Variants in TBC1D12 observed in about 807,000 individuals in gnomAD.
TBC1D12 encodes the protein TBC1 domain family, member 12.
Under a neutral mutation model 86.7 loss-of-function variants are expected in TBC1D12, and 56 were observed. The observed-to-expected ratio is 0.65, with a 90% CI of 0.52 to 0.81. The LOEUF (loss-of-function observed/expected upper bound fraction) is 0.81, where lower values mean the gene tolerates loss of function less well. Among genes scored for constraint, TBC1D12 ranks in the 30% least tolerant of loss-of-function variants. The pLI is 0.00. For missense variants in TBC1D12, 1,023 were observed against 1,038.8 expected, an observed-to-expected ratio of 0.98 and a Z score of 0.21; for synonymous variants, 421 against 411.7, an observed-to-expected ratio of 1.02 and a Z score of -0.27.
rs903219473 is a variant in TBC1D12 at position 94,536,113 on chromosome 10, G to C, written c.*3017G>C. Among the ~76,000 whole-genome samples, 2 of 151,802 alleles carry C rather than the reference G, an allele frequency of 1.3e-5. No individual in the cohort carries two copies. The highest frequency in any genetic ancestry group is 6.6e-5 in the Admixed American group (1 of 15,222). On this transcript the variant is annotated 3_prime_UTR_variant, in exon 13 of 13. Coordinates refer to ENST00000225235, the MANE Select transcript of TBC1D12 (RefSeq NM_015188.2). ...AAAATATTGTACTGTATCTTCTCTTGAGCCCAGTATGTAGGAAATATGTGA... is the reference window on the plus strand; with the variant it reads ...AAAATATTGTACTGTATCTTCTCTTCAGCCCAGTATGTAGGAAATATGTGA...
At position 94,497,716 on chromosome 10, in the gene TBC1D12, A is replaced by G. The variant is rs1296186488; in HGVS notation, c.1412+544A>G. Among the ~76,000 whole-genome samples, 3 of 137,972 alleles carry G rather than the reference A, an allele frequency of 2.2e-5. No individual in the cohort carries two copies. The East Asian group carries it at 6.6e-4, about 30-fold the overall frequency. The allele number at this position is 137,972 out of a possible 152,430, so 90.5% of individuals were successfully genotyped here. On this transcript the variant is annotated intron_variant, in intron 5 of 12. Coordinates refer to ENST00000225235, the MANE Select transcript of TBC1D12 (RefSeq NM_015188.2). ...TTTTTTTTTTGTATTTTTAGTGGAG[A>G]TGGGGTTTCACCGTGGTGTCTGCTA...
At chr10:94,426,233 T>C (rs1347935125) in intron 1 of TBC1D12, among the ~76,000 whole-genome samples, 2 of 152,206 alleles carry the variant, frequency 1.3e-5, no homozygotes, top group Non-Finnish European at 2.9e-5. Flanking sequence ...TTATCTGGTT[T>C]CCATTCTCAG....
chr10:94,464,252 C>G (rs966089814), intron 2 of TBC1D12, among the ~76,000 whole-genome samples: 2 of 152,072 alleles, frequency 1.3e-5, no homozygotes, highest in Non-Finnish European at 2.9e-5. Context: ...TTGATATGAT[C>G]AGATTTAAAT....
chr10:94,465,721 TAC>T (rs1491312573), intron 2 of TBC1D12, among the ~76,000 whole-genome samples: 21 of 150,110 alleles, frequency 1.4e-4, no homozygotes, highest in East Asian at 9.8e-4. Context: ...TACGTATACA[TAC>T]ATACATACAT....
At chr10:94,455,922 C>T (rs1311724038) in intron 2 of TBC1D12, among the ~76,000 whole-genome samples, 2 of 150,508 alleles carry the variant, frequency 1.3e-5, no homozygotes, top group Non-Finnish European at 3.0e-5. Context: ...GGCACCTGGA[C>T]AACAGAGCTT....
intron 1 of TBC1D12, among the ~76,000 whole-genome samples, chr10:94,427,833 C>CA (rs71031576): frequency 0.4 from 27,424 of 67,744 alleles, 4,924 homozygotes; most frequent in East Asian, 0.61. Flanking sequence ...CCCTGTCTCA[C>CA]AAAAAAAAAA....
intron 2 of TBC1D12, among the ~76,000 whole-genome samples, chr10:94,471,591 G>C (rs1253188825): frequency 6.6e-6 from 1 of 152,100 alleles, no homozygotes; most frequent in African/African-American, 2.4e-5. Flanking sequence ...CTGCTGACTT[G>C]TTCTTTTAAT....
At position 94,534,784 on chromosome 10, in the gene TBC1D12, G is replaced by C. The variant is rs942513670; in HGVS notation, c.*1688G>C. ...TTCTTGAACTGCTAATCAGGTGTGT[G>C]TTTCCTTGAAGTCCAGAGCAGGATC... On this transcript the variant is annotated 3_prime_UTR_variant, in exon 13 of 13. Coordinates refer to ENST00000225235, the MANE Select transcript of TBC1D12 (RefSeq NM_015188.2). 6.6e-6 allele frequency: 1 copy of C among 152,190 alleles called. No individual in the cohort carries two copies. The highest frequency in any genetic ancestry group is 1.5e-5 in the Non-Finnish European group (1 of 68,036). 9.4% of individuals were successfully genotyped at this position (152,190 alleles called of 1,614,324 possible). A position where few individuals can be genotyped will look rare whatever the true frequency, so the allele number is the denominator to read the frequency against.
At chr10:94,532,344 A>AT (rs200734244) in intron 12 of TBC1D12, among the ~76,000 whole-genome samples, 3,995 of 151,550 alleles carry the variant, frequency 0.026, 171 homozygotes, top group African/African-American at 0.089. Flanking sequence ...CGCCCAGCTA[A>AT]TTTTTTGTAT....
At chr10:94,433,603 A>G (rs770320925) in intron 1 of TBC1D12, among the ~76,000 whole-genome samples, 6 of 152,224 alleles carry the variant, frequency 3.9e-5, no homozygotes, top group African/African-American at 7.2e-5. Flanking sequence ...AGGTAAAGCT[A>G]TAGAGACATA....
intron 1 of TBC1D12, among the ~76,000 whole-genome samples, chr10:94,440,170 CCTTT>C (rs1430853923): frequency 6.6e-6 from 1 of 151,628 alleles, no homozygotes; most frequent in Non-Finnish European, 1.5e-5. Context: ...ATTTCCTTTT[CCTTT>C]CTTTTTTTTT....
chr10:94,457,282 G>A (rs1406922435), intron 2 of TBC1D12, among the ~76,000 whole-genome samples: 1 of 151,916 alleles, frequency 6.6e-6, no homozygotes, highest in African/African-American at 2.4e-5. Flanking sequence ...ACAGGCCCCT[G>A]TGTGTGTTGT....
At chr10:94,459,685 C>T (rs1241423038) in intron 2 of TBC1D12, among the ~76,000 whole-genome samples, 4 of 152,188 alleles carry the variant, frequency 2.6e-5, no homozygotes, top group African/African-American at 4.8e-5. Flanking sequence ...GAGTGCGGCA[C>T]GGGCAGGCTG....
At chr10:94,456,941 C>T (rs1401715335) in intron 2 of TBC1D12, among the ~76,000 whole-genome samples, 1 of 152,160 alleles carries the variant, frequency 6.6e-6, no homozygotes, top group Non-Finnish European at 1.5e-5. Flanking sequence ...TGATAACTTT[C>T]CTTGCTCCGA....
chr10:94,482,489 T>G (rs1310769052), intron 3 of TBC1D12, among the ~76,000 whole-genome samples: 1 of 152,032 alleles, frequency 6.6e-6, no homozygotes, highest in Non-Finnish European at 1.5e-5. Flanking sequence ...TTGCTCTTAT[T>G]GCCCAGGCTG....
At chr10:94,470,068 A>T (rs2055881834) in intron 2 of TBC1D12, among the ~76,000 whole-genome samples, 1 of 152,168 alleles carries the variant, frequency 6.6e-6, no homozygotes, top group Non-Finnish European at 1.5e-5. Context: ...ACTTTTAGGA[A>T]TGTAGATGAA....
chr10:94,458,381 C>T (rs10882463), intron 2 of TBC1D12, among the ~76,000 whole-genome samples: 73,349 of 151,940 alleles, frequency 0.48, 18,233 homozygotes, highest in East Asian at 0.79. Flanking sequence ...GACCTTGTTC[C>T]TCTCATCCTC....
intron 1 of TBC1D12, among the ~76,000 whole-genome samples, chr10:94,405,260 A>C (rs2054839221): frequency 6.6e-6 from 1 of 152,150 alleles, no homozygotes; most frequent in African/African-American, 2.4e-5. Context: ...TCTTAGCTCA[A>C]GTTTTAGCAG....
intron 1 of TBC1D12, among the ~76,000 whole-genome samples, chr10:94,436,777 T>A (rs905798670): frequency 6.6e-6 from 1 of 151,832 alleles, no homozygotes; most frequent in African/African-American, 2.4e-5. Flanking sequence ...TTGCTTTTTT[T>A]AAAAAAAGAA....
Sources: gnomAD v4.1 joint callset for allele counts (sites outside exome capture counted in the v4.1 genomes callset) on GRCh38, gnomAD v4.1.1 for gene constraint, MANE v1.5 for transcripts, NCBI Gene and HGNC (gene_info 2026-07-23, HGNC 2026-07-21) for gene names.